Variants in SPATA9 observed in about 807,000 individuals in gnomAD.
SPATA9 encodes the protein spermatogenesis-associated protein 9.
SPATA9 carries 27 observed loss-of-function variants against 25.5 expected under a neutral mutation model. The observed-to-expected ratio is 1.06, with a 90% CI of 0.78 to 1.46. SPATA9 has a LOEUF of 1.46. Among genes scored for constraint, SPATA9 ranks in the 40% most tolerant of loss-of-function variants. SPATA9 has a pLI of 0.00. For missense variants in SPATA9, 282 were observed against 297.5 expected (o/e 0.95, Z 0.38); for synonymous variants, 102 against 105.7 (o/e 0.97, Z 0.21).
chr5:95,722,044 C>T, the SPATA9 span, among the ~76,000 whole-genome samples: 9 of 151,960 alleles, frequency 5.9e-5, no homozygotes, highest in Non-Finnish European at 1.3e-4. Context: ...AAATGAGGAC[C>T]AAATGTATTG....
intron 2 of SPATA9, among the ~76,000 whole-genome samples, chr5:95,676,708 T>C (rs1207201060): frequency 6.6e-6 from 1 of 152,222 alleles, no homozygotes; most frequent in Non-Finnish European, 1.5e-5. Context: ...TGAATTTGCC[T>C]CCTAAGTGGT....
chr5:95,691,677 A>G (rs748116917), intron 1 of SPATA9, among the ~76,000 whole-genome samples: 1 of 152,094 alleles, frequency 6.6e-6, no homozygotes, highest in African/African-American at 2.4e-5. Context: ...TTCCATGTTA[A>G]TGCCAATTAT....
At chr5:95,702,601 C>G (rs182705055), upstream of SPATA9, among the ~76,000 whole-genome samples, 5 of 152,266 alleles carry the variant, frequency 3.3e-5, no homozygotes, top group Admixed American at 6.5e-5. Flanking sequence ...AGAGGCCAGG[C>G]ACAGTGGCTC....
chr5:95,685,826 G>C (rs1308979102), upstream of SPATA9, among the ~76,000 whole-genome samples: 1 of 152,044 alleles, frequency 6.6e-6, no homozygotes, highest in Non-Finnish European at 1.5e-5. Context: ...CTCAATGATA[G>C]TTTTTTCGTT....
At chr5:95,697,463 A>C (rs547492330) in intron 1 of SPATA9, among the ~76,000 whole-genome samples, 79 of 152,306 alleles carry the variant, frequency 5.2e-4, no homozygotes, top group Admixed American at 2.2e-3. Context: ...ACACACAGAG[A>C]GAGAGAGACA....
At chr5:95,705,204 T>C in the SPATA9 span, among the ~76,000 whole-genome samples, 1 of 152,118 alleles carries the variant, frequency 6.6e-6, no homozygotes, top group Non-Finnish European at 1.5e-5. Context: ...CTAGGCTCAA[T>C]GATTTGCCCA....
intron 3 of SPATA9, among the ~76,000 whole-genome samples, chr5:95,665,543 A>G (rs1022721292): frequency 4.6e-5 from 7 of 152,192 alleles, no homozygotes; most frequent in Admixed American, 4.6e-4. Flanking sequence ...TGCCATCACA[A>G]ATGACAGAAT....
chr5:95,653,354 C>T (rs1750478199), downstream of SPATA9: 1 of 1,206,536 alleles, frequency 8.3e-7, no homozygotes, highest in Admixed American at 2.8e-5. Context: ...ACTATTCAGA[C>T]AATCAAAGAA....
intron 3 of SPATA9, among the ~76,000 whole-genome samples, chr5:95,671,465 C>T (rs1752363690): frequency 2.6e-5 from 4 of 152,136 alleles, no homozygotes; most frequent in Admixed American, 2.6e-4. Context: ...GACTGGAGTG[C>T]AGTGGCACGA....
intron 3 of SPATA9, among the ~76,000 whole-genome samples, chr5:95,667,074 C>A (rs549637152): frequency 6.6e-6 from 1 of 152,092 alleles, no homozygotes; most frequent in Non-Finnish European, 1.5e-5. Flanking sequence ...AACACAGGTT[C>A]AGAGAAATTA....
upstream of SPATA9, among the ~76,000 whole-genome samples, chr5:95,683,729 G>A (rs1388237630): frequency 2.0e-5 from 3 of 152,040 alleles, no homozygotes; most frequent in African/African-American, 7.2e-5. Flanking sequence ...AGTAGAGACG[G>A]GGTTTCACCG....
intron 2 of SPATA9, among the ~76,000 whole-genome samples, chr5:95,677,751 T>C (rs1009354887): frequency 3.9e-5 from 6 of 152,184 alleles, no homozygotes; most frequent in African/African-American, 1.4e-4. Flanking sequence ...GTATATATGG[T>C]TAAGTACAAG....
the SPATA9 span, among the ~76,000 whole-genome samples, chr5:95,730,401 G>A: frequency 6.6e-6 from 1 of 152,174 alleles, no homozygotes; most frequent in Non-Finnish European, 1.5e-5. Flanking sequence ...AGTAATCCCT[G>A]GCCCATTTTG....
chr5:95,686,486 C>T (rs960219354), upstream of SPATA9, among the ~76,000 whole-genome samples: 5 of 151,920 alleles, frequency 3.3e-5, no homozygotes, highest in South Asian at 2.1e-4. Flanking sequence ...TGTTCACTTA[C>T]GTCTAATTAA....
Position 95,658,383 on chromosome 5 carries a change from C to A in SPATA9, c.*240G>T. The stretch of plus-strand genomic sequence containing the variant: ...AACCACAGTGTAAAGTCTAACCTAC[C>A]AGAGGATGGATTTTCTTGTTCATTA... On this transcript the variant is annotated 3_prime_UTR_variant, in exon 5 of 5. Coordinates refer to ENST00000274432, the MANE Select transcript of SPATA9 (RefSeq NM_031952.4). 3.0e-6 allele frequency: 1 copy of A among 331,136 alleles called. No homozygotes were observed. Among genetic ancestry groups the A allele is most frequent in the Non-Finnish European group, 5.3e-6 (1 of 187,710 alleles). The allele number at this position is 331,136 out of a possible 1,614,324, so 20.5% of individuals were successfully genotyped here. A position where few individuals can be genotyped will look rare whatever the true frequency, so the allele number is the denominator to read the frequency against.
chr5:95,658,535 A>G lies in SPATA9; in HGVS notation c.*88T>C. On this transcript the variant is annotated 3_prime_UTR_variant, in exon 5 of 5. Coordinates refer to ENST00000274432, the MANE Select transcript of SPATA9 (RefSeq NM_031952.4). Reference sequence around the variant, plus strand: ...TTTTTTTAAGAAAGCAGAGCAATTCAGAATATGTAAACTAGACTCTGAGTT... The same window carrying G: ...TTTTTTTAAGAAAGCAGAGCAATTCGGAATATGTAAACTAGACTCTGAGTT... The G allele has an allele frequency of 2.1e-6, 3 of 1,430,316 alleles. No individual in the cohort carries two copies. Among genetic ancestry groups the G allele is most frequent in the Non-Finnish European group, 2.8e-6 (3 of 1,089,402 alleles). 88.6% of individuals were successfully genotyped at this position (1,430,316 alleles called of 1,614,324 possible).
Position 95,675,422 on chromosome 5 carries a change from T to C in SPATA9, c.368A>G (p.Tyr123Cys). The part of the protein sequence containing the change: ...REVNAPRQPL[Y>C]NIQVRKGSLF... ...GCAGTATTCCCTTACCTGAATGTTATATAGGGGTTGCCTCGGCGCATTAAC... is the reference window on the plus strand; with the variant it reads ...GCAGTATTCCCTTACCTGAATGTTACATAGGGGTTGCCTCGGCGCATTAAC... The change falls in exon 3 of 5, where the codon TAT (tyrosine) becomes TGT (cysteine). Residue 123 changes from tyrosine (Y) to cysteine (C), a missense_variant. Physicochemically the swap from Tyr to Cys is radical, Grantham distance 194 (BLOSUM62 -2). Transcript: ENST00000274432. The C allele has an allele frequency of 1.9e-6, 3 of 1,613,996 alleles. No homozygotes were observed. The highest frequency in any genetic ancestry group is 2.5e-6 in the Non-Finnish European group (3 of 1,179,920).
At chr5:95,670,802 T>A in intron 3 of SPATA9, 1 of 975,432 alleles carries the variant, frequency 1.0e-6, no homozygotes, top group Non-Finnish European at 1.2e-6. Flanking sequence ...CATTGACCTC[T>A]GCCACATCTC....
At chr5:95,729,403 T>C in the SPATA9 span, among the ~76,000 whole-genome samples, 1 of 152,232 alleles carries the variant, frequency 6.6e-6, no homozygotes, top group African/African-American at 2.4e-5. Context: ...ACTTTCTCCC[T>C]TTCTGACACT....
Sources: allele counts gnomAD v4.1 joint callset (sites outside exome capture counted in the v4.1 genomes callset), GRCh38; gene constraint gnomAD v4.1.1; transcripts MANE v1.5; gene names NCBI Gene and HGNC (gene_info 2026-07-23, HGNC 2026-07-21).